Variants in HDAC9 observed in about 807,000 individuals in gnomAD.
HDAC9 encodes histone deacetylase 9.
A neutral mutation model predicts 139.4 loss-of-function variants in HDAC9; 41 were observed. The observed-to-expected ratio is 0.29, with a 90% CI of 0.23 to 0.38. The LOEUF is 0.38. Among genes scored for constraint, HDAC9 ranks in the 10% least tolerant of loss-of-function variants. HDAC9 has a pLI of 1.00. For missense variants in HDAC9, 1,147 were observed against 1,297.0 expected (o/e 0.88, Z 1.78); for synonymous variants, 517 against 476.2 (o/e 1.09, Z -1.12).
At chr7:18,293,731 G>A (rs535793649) in intron 1 of HDAC9, among the ~76,000 whole-genome samples, 1 of 152,112 alleles carries the variant, frequency 6.6e-6, no homozygotes. Context: ...TAGCTTGTCA[G>A]TGTCCACTTC....
chr7:18,425,709 A>G (rs1326940125), intron 1 of HDAC9, among the ~76,000 whole-genome samples: 7 of 152,182 alleles, frequency 4.6e-5, no homozygotes, highest in East Asian at 3.9e-4. Context: ...CTCACTGTAC[A>G]TTACATTTAT....
In HDAC9 at chr7:18,835,495, A is replaced by G. The variant is rs1562974861; in HGVS notation, c.2495A>G (p.Gln832Arg). 6.2e-6 allele frequency: 10 copies of G among 1,613,614 alleles called. No homozygotes were observed. In the South Asian group the frequency reaches 1.1e-4, roughly 18 times the overall value. Reference protein sequence around the residue: ...LDVHHGNGTQQAFYADPSILY... With the variant: ...LDVHHGNGTQRAFYADPSILY... ...GTTCACCATGGAAACGGTACCCAGC[A>G]GGCCTTTTATGCTGACCCCAGCATC... Residue 832 changes from glutamine to arginine, a missense_variant, in exon 20 of 26, where the codon CAG (glutamine) becomes CGG (arginine). This residue lies in a region of HDAC9 where 407 missense variants were observed against 521.5 expected (regional missense o/e 0.78). Transcript: ENST00000686413.
At chr7:18,930,479 A>G (rs1804641765) in intron 22 of HDAC9, among the ~76,000 whole-genome samples, 1 of 151,992 alleles carries the variant, frequency 6.6e-6, no homozygotes, top group South Asian at 2.1e-4. Flanking sequence ...ACACACACAC[A>G]CACGTACACA....
intron 1 of HDAC9, among the ~76,000 whole-genome samples, chr7:18,299,866 C>G (rs1798418036): frequency 1.3e-5 from 2 of 152,164 alleles, no homozygotes; most frequent in Non-Finnish European, 2.9e-5. Context: ...TGTTCCTCTT[C>G]TTGATTCCAG....
chr7:18,183,099 T>G (rs1159623896), intron 2 of HDAC9, among the ~76,000 whole-genome samples: 2 of 151,630 alleles, frequency 1.3e-5, no homozygotes, highest in East Asian at 3.9e-4. Flanking sequence ...AAGCTCCGCC[T>G]CCTGGGTTCA....
chr7:18,943,950 C>A (rs1029858891), intron 23 of HDAC9, among the ~76,000 whole-genome samples: 1 of 152,082 alleles, frequency 6.6e-6, no homozygotes, highest in Admixed American at 6.6e-5. Flanking sequence ...TACAATCACC[C>A]TGATTCTGAT....
In HDAC9 at chr7:18,626,599, CTG is replaced by C. The variant is rs980026447; in HGVS notation, c.665-2748_665-2747del. Among the ~76,000 whole-genome samples the C allele has an allele frequency of 1.0e-3, 152 of 152,298 alleles. 1 individual carries two copies. Among genetic ancestry groups the C allele is most frequent in the African/African-American group, 3.6e-3 (148 of 41,570 alleles). Reference sequence around the variant, plus strand: ...GTGAATGAACTGATGTTCAGCAAGACTGTGAATTATTCAAGGTTACTGATTTT... The same window carrying C: ...GTGAATGAACTGATGTTCAGCAAGACTGAATTATTCAAGGTTACTGATTTT... On this transcript the variant is annotated intron_variant, in intron 6 of 25. Coordinates refer to ENST00000686413, the MANE Select transcript of HDAC9 (RefSeq NM_178425.4).
chr7:18,482,666 A>G (rs1304421235), intron 1 of HDAC9, among the ~76,000 whole-genome samples: 1 of 152,144 alleles, frequency 6.6e-6, no homozygotes, highest in Non-Finnish European at 1.5e-5. Flanking sequence ...TTAGAGAAGC[A>G]TCACACATTT....
At chr7:18,184,934 C>T (rs1789787598) in intron 2 of HDAC9, among the ~76,000 whole-genome samples, 1 of 152,256 alleles carries the variant, frequency 6.6e-6, no homozygotes, top group Non-Finnish European at 1.5e-5. Context: ...CTGTATCCTG[C>T]ATGTCCTATT....
At chr7:18,245,737 T>G (rs1302092759) in intron 2 of HDAC9, among the ~76,000 whole-genome samples, 1 of 152,162 alleles carries the variant, frequency 6.6e-6, no homozygotes, top group Non-Finnish European at 1.5e-5. Flanking sequence ...CTCAGGAGCT[T>G]ATTCTGCCAC....
At chr7:18,537,763 G>C (rs1031823400) in intron 2 of HDAC9, among the ~76,000 whole-genome samples, 6 of 152,212 alleles carry the variant, frequency 3.9e-5, no homozygotes, top group Non-Finnish European at 8.8e-5. Context: ...CGGGAGAATA[G>C]TTAAGTTCCA....
intron 1 of HDAC9, among the ~76,000 whole-genome samples, chr7:18,135,408 C>T (rs1202822287): frequency 2.1e-5 from 3 of 142,184 alleles, no homozygotes; most frequent in African/African-American, 5.2e-5. Context: ...CCCACTAACT[C>T]GTCATCTAGC....
At chr7:18,446,345 G>T (rs1792290624) in intron 1 of HDAC9, among the ~76,000 whole-genome samples, 2 of 152,202 alleles carry the variant, frequency 1.3e-5, no homozygotes, top group African/African-American at 4.8e-5. Flanking sequence ...ATCAGCATTG[G>T]TCACTGTTCT....
intron 1 of HDAC9, among the ~76,000 whole-genome samples, chr7:18,298,472 C>T (rs550783658): frequency 8.6e-5 from 13 of 151,944 alleles, no homozygotes; most frequent in Non-Finnish European, 1.3e-4. Flanking sequence ...GTGTGATATT[C>T]CCCTTCCTGT....
At chr7:18,921,310 A>G (rs938165660) in intron 22 of HDAC9, among the ~76,000 whole-genome samples, 1 of 152,188 alleles carries the variant, frequency 6.6e-6, no homozygotes, top group Non-Finnish European at 1.5e-5. Flanking sequence ...ACAGAATGGG[A>G]GAAAATTTTT....
At chr7:18,869,060 G>A (rs1463337981) in intron 21 of HDAC9, among the ~76,000 whole-genome samples, 2 of 151,972 alleles carry the variant, frequency 1.3e-5, no homozygotes, top group Non-Finnish European at 2.9e-5. Context: ...TCTGAGTTCT[G>A]TGAAGCAGCT....
intron 1 of HDAC9, among the ~76,000 whole-genome samples, chr7:18,407,601 A>G (rs1788135983): frequency 6.6e-6 from 1 of 152,222 alleles, no homozygotes; most frequent in South Asian, 2.1e-4. Context: ...CTCTAGCAGA[A>G]TGTGGGTAGG....
chr7:18,721,250 C>T (rs1263881702), intron 12 of HDAC9, among the ~76,000 whole-genome samples: 1 of 152,036 alleles, frequency 6.6e-6, no homozygotes, highest in African/African-American at 2.4e-5. Context: ...TTCAAGTTTC[C>T]TATGTATCTC....
At chr7:18,609,516 C>T (rs1183296647) in intron 6 of HDAC9, among the ~76,000 whole-genome samples, 3 of 152,118 alleles carry the variant, frequency 2.0e-5, no homozygotes, top group Non-Finnish European at 4.4e-5. Flanking sequence ...ACAGCAAACT[C>T]TTCCCTCTGA....
Sources: gnomAD v4.1 joint callset for allele counts (sites outside exome capture counted in the v4.1 genomes callset) on GRCh38, gnomAD v4.1.1 for gene constraint, gnomAD v4.1.1 regional missense constraint, MANE v1.5 for transcripts, NCBI Gene and HGNC (gene_info 2026-07-23, HGNC 2026-07-21) for gene names.